The following DCAF5 variants were observed in gnomAD, a reference collection of about 807,000 sequenced individuals.
DCAF5 encodes the protein DDB1- and CUL4-associated factor 5.
A neutral mutation model predicts 80.7 loss-of-function variants in DCAF5; 9 were observed. That is an observed-to-expected ratio of 0.11 (90% confidence interval 0.07 to 0.19). The LOEUF (loss-of-function observed/expected upper bound fraction) is 0.19, where lower values mean the gene tolerates loss of function less well. Ranked by LOEUF, DCAF5 falls within the 10% of genes least tolerant of loss-of-function variation. The pLI is 1.00. For missense variants in DCAF5, 842 were observed against 1,205.7 expected, an observed-to-expected ratio of 0.70 and a Z score of 4.47; for synonymous variants, 433 against 461.9, an observed-to-expected ratio of 0.94 and a Z score of 0.80.
intron 1 of DCAF5, among the ~76,000 whole-genome samples, chr14:69,136,943 T>C (rs2140104615): frequency 6.6e-6 from 1 of 152,342 alleles, no homozygotes. Context: ...CTACTTTCAA[T>C]TATATGTTTA....
chr14:69,102,585 A>ACACACACACACAC, intron 5 of DCAF5, among the ~76,000 whole-genome samples: 1 of 43,530 alleles, frequency 2.3e-5, no homozygotes, highest in Non-Finnish European at 6.2e-5. Context: ...TTTTGTTAAA[A>ACACACACACACAC]ACAAAGACAC....
rs751549734 is a variant in DCAF5, at chr14:69,054,381, C to T, written c.2305G>A (p.Gly769Ser). The T allele has an allele frequency of 1.2e-5, 20 of 1,614,000 alleles. No homozygotes were observed. Among genetic ancestry groups the T allele is most frequent in the East Asian group, 8.9e-5 (4 of 44,892 alleles). Residue 769 changes from glycine to serine, a missense_variant, in exon 9 of 9, where the codon GGC becomes AGC. Physicochemically the swap from Gly to Ser is moderately conservative, Grantham distance 56. Coordinates refer to ENST00000341516, the MANE Select transcript of DCAF5 (RefSeq NM_003861.3). The stretch of plus-strand genomic sequence containing the variant: ...GTTTCAAAAGGGTGCTCTACAGAGC[C>T]GCTATTGCCAGTGTCCTGAGAGGTA... ...EGTSQDTGNSGSVEHPFETKK... is the reference protein window; with the variant it reads ...EGTSQDTGNSSSVEHPFETKK...
chr14:69,136,704 G>A (rs1366907044), intron 1 of DCAF5, among the ~76,000 whole-genome samples: 1 of 151,966 alleles, frequency 6.6e-6, no homozygotes, highest in African/African-American at 2.4e-5. Flanking sequence ...GACATTTTTG[G>A]TTGTCACAAC....
chr14:69,117,810 C>T (rs2040588091), intron 4 of DCAF5, among the ~76,000 whole-genome samples: 1 of 152,156 alleles, frequency 6.6e-6, no homozygotes, highest in Non-Finnish European at 1.5e-5. Flanking sequence ...CAGGAAAGTG[C>T]ATAACGCCCC....
chr14:69,113,782 G>C (rs1323308531), intron 5 of DCAF5, among the ~76,000 whole-genome samples: 2 of 152,164 alleles, frequency 1.3e-5, no homozygotes, highest in African/African-American at 4.8e-5. Context: ...TGGATGCTAA[G>C]TTAAGAAGAG....
intron 5 of DCAF5, among the ~76,000 whole-genome samples, chr14:69,104,643 G>T (rs987556566): frequency 6.6e-6 from 1 of 151,996 alleles, no homozygotes; most frequent in African/African-American, 2.4e-5. Context: ...ATCACTTGAG[G>T]CCAGGAATTC....
At chr14:69,135,269 A>C (rs1226670408) in intron 1 of DCAF5, among the ~76,000 whole-genome samples, 7 of 152,224 alleles carry the variant, frequency 4.6e-5, no homozygotes, top group Non-Finnish European at 1.0e-4. Context: ...CAGTGACGGC[A>C]AATTGTACTA....
At chr14:69,084,833 G>C in intron 6 of DCAF5, 2 of 1,081,916 alleles carry the variant, frequency 1.8e-6, no homozygotes, top group Non-Finnish European at 2.8e-6. Context: ...AGATGTGGCA[G>C]CAAGAGAACT....
intron 5 of DCAF5, among the ~76,000 whole-genome samples, chr14:69,095,562 C>T (rs562025402): frequency 3.9e-4 from 59 of 151,888 alleles, no homozygotes; most frequent in Non-Finnish European, 5.4e-4. Context: ...CACACACACA[C>T]ACAAAAACCA....
At chr14:69,108,492 G>T (rs1412490874) in intron 5 of DCAF5, among the ~76,000 whole-genome samples, 1 of 152,124 alleles carries the variant, frequency 6.6e-6, no homozygotes, top group Non-Finnish European at 1.5e-5. Context: ...ATGGGGTAGG[G>T]ATTTAAGCAA....
At chr14:69,110,947 C>A (rs1309159644) in intron 5 of DCAF5, among the ~76,000 whole-genome samples, 2 of 147,078 alleles carry the variant, frequency 1.4e-5, no homozygotes, top group African/African-American at 5.1e-5. Flanking sequence ...TAATGAAATC[C>A]AATGTGTCAA....
rs1030707314 is a variant in DCAF5, at chr14:69,073,667, AAGAAAGCAGCAGGG to A, written c.946+1664_946+1677del. ...ACCCTGTCTCTTACAAAAAAAAGAA[AAGAAAGCAGCAGGG>A]AGAAGAAAAAAACCTACAATACTAT... On this transcript the variant is annotated intron_variant, in intron 7 of 8. Coordinates refer to ENST00000341516, the MANE Select transcript of DCAF5 (RefSeq NM_003861.3). Among the ~76,000 whole-genome samples the A allele has an allele frequency of 2.9e-3, 446 of 152,294 alleles. 5 individuals carry two copies. Among genetic ancestry groups the A allele is most frequent in the Middle Eastern group, 0.01 (3 of 294 alleles).
intron 7 of DCAF5, among the ~76,000 whole-genome samples, chr14:69,065,342 G>A (rs780630450): frequency 6.6e-4 from 100 of 152,136 alleles, no homozygotes; most frequent in Non-Finnish European, 1.2e-3. Flanking sequence ...TGATCCACCC[G>A]CCTCGGCCTC....
At position 69,152,957 on chromosome 14, in the gene DCAF5, C is replaced by T. The variant is rs968214373; in HGVS notation, c.22G>A (p.Gly8Arg). The T allele has an allele frequency of 1.2e-6, 2 of 1,610,580 alleles. No individual in the cohort carries two copies. The highest frequency in any genetic ancestry group is 8.5e-7 in the Non-Finnish European group (1 of 1,179,148). MKRRAGLGGSMRSVVGFL... is the reference protein window; with the variant it reads MKRRAGLRGSMRSVVGFL... ...CCCACCACTGACCTCATGCTGCCCC[C>T]CAGGCCAGCTCTCCTCTTCATGCTG... The change falls in exon 1 of 9, where the codon GGG becomes AGG. Residue 8 changes from glycine to arginine, a missense_variant. Coordinates refer to ENST00000341516, the MANE Select transcript of DCAF5 (RefSeq NM_003861.3). This position sits in a 1 kb window ranked among gnomAD's most constrained non-coding sequence, Gnocchi z 4.1.
intron 1 of DCAF5, among the ~76,000 whole-genome samples, chr14:69,147,733 CATAATTA>C: frequency 6.6e-6 from 1 of 152,152 alleles, no homozygotes; most frequent in Non-Finnish European, 1.5e-5. Context: ...ACAACTCCTA[CATAATTA>C]ATACTTTGAA....
chr14:69,122,134 G>T lies in DCAF5; in HGVS notation c.358+83C>A. ...TCCACAGCTCAATGAAATACAGGAAGAAAAATAAGGAGTTATTTTCGCACT... is the reference window on the plus strand; with the variant it reads ...TCCACAGCTCAATGAAATACAGGAATAAAAATAAGGAGTTATTTTCGCACT... On this transcript the variant is annotated intron_variant, in intron 2 of 8. Transcript: ENST00000341516. 3 of 1,501,762 alleles carry T rather than the reference G, an allele frequency of 2.0e-6. No individual in the cohort carries two copies. In the South Asian group the frequency reaches 3.7e-5, roughly 18 times the overall value. The allele number at this position is 1,501,762 out of a possible 1,614,324, so 93.0% of individuals were successfully genotyped here.
At chr14:69,059,684 C>T (rs1203283855) in intron 8 of DCAF5, among the ~76,000 whole-genome samples, 1 of 152,200 alleles carries the variant, frequency 6.6e-6, no homozygotes, top group Non-Finnish European at 1.5e-5. Flanking sequence ...TCCTGCAATG[C>T]TTAGTGCCAT....
chr14:69,091,525 T>C, intron 6 of DCAF5, 149 bp downstream of exon 6: 2 of 723,654 alleles, frequency 2.8e-6, no homozygotes, highest in Non-Finnish European at 4.5e-6. Context: ...AAACTCACTA[T>C]TATTAAGTCA....
chr14:69,084,520 G>C (rs2039242741), intron 6 of DCAF5: 1 of 764,668 alleles, frequency 1.3e-6, no homozygotes, highest in African/African-American at 1.7e-5. Flanking sequence ...CTCTGAAAAA[G>C]GAGCCATTGT....
Sources: gnomAD v4.1 joint callset for allele counts (sites outside exome capture counted in the v4.1 genomes callset) on GRCh38, gnomAD v4.1.1 for gene constraint, Gnocchi (gnomAD v3.1) non-coding constraint, MANE v1.5 for transcripts, NCBI Gene and HGNC (gene_info 2026-07-23, HGNC 2026-07-21) for gene names.